CACNA2D3: variants seen among roughly 807,000 people sequenced by gnomAD.
CACNA2D3 encodes voltage-dependent calcium channel subunit alpha-2/delta-3.
In CACNA2D3, 60 loss-of-function variants were observed where a neutral mutation model predicts 160.6. The observed-to-expected ratio is 0.37, with a 90% CI of 0.30 to 0.46. The LOEUF is 0.46. Among genes scored for constraint, CACNA2D3 ranks in the 20% least tolerant of loss-of-function variants. The pLI is 1.00. For synonymous variants in CACNA2D3, 558 were observed against 492.9 expected (o/e 1.13, Z -1.75); for missense variants, 1,205 against 1,365.0 (o/e 0.88, Z 1.85).
chr3:54,819,469 G>A (rs1046274521), intron 14 of CACNA2D3, among the ~76,000 whole-genome samples: 7 of 152,090 alleles, frequency 4.6e-5, no homozygotes, highest in African/African-American at 1.2e-4. Context: ...CCAATGTTTT[G>A]TGATTCTGAC....
chr3:54,618,374 T>TATATATATATACACAC, intron 9 of CACNA2D3, among the ~76,000 whole-genome samples: 2 of 54,574 alleles, frequency 3.7e-5, no homozygotes, highest in African/African-American at 2.3e-4. Flanking sequence ...TATATATATA[T>TATATATATATACACAC]GCACACACAC....
intron 2 of CACNA2D3, among the ~76,000 whole-genome samples, chr3:54,292,420 A>C (rs892777196): frequency 6.6e-6 from 1 of 152,190 alleles, no homozygotes; most frequent in African/African-American, 2.4e-5. Context: ...AATATTTAGA[A>C]ATTATATCTG....
At chr3:54,829,455 G>A (rs141455342) in intron 14 of CACNA2D3, among the ~76,000 whole-genome samples, 39 of 152,242 alleles carry the variant, frequency 2.6e-4, no homozygotes, top group African/African-American at 7.9e-4. Flanking sequence ...GGAGGGAAGG[G>A]TGCAGAGACT....
At chr3:54,775,272 C>T (rs1042478357) in intron 13 of CACNA2D3, among the ~76,000 whole-genome samples, 6 of 152,250 alleles carry the variant, frequency 3.9e-5, no homozygotes, top group African/African-American at 7.2e-5. Context: ...AACCAATCCA[C>T]GCCTAAGATC....
intron 2 of CACNA2D3, among the ~76,000 whole-genome samples, chr3:54,159,236 G>A (rs1412225126): frequency 1.3e-5 from 2 of 151,994 alleles, no homozygotes; most frequent in African/African-American, 4.8e-5. Context: ...AAAATCCATA[G>A]TTTTATACCC....
intron 14 of CACNA2D3, among the ~76,000 whole-genome samples, chr3:54,822,790 C>CTTTTTCTTTCTTTCTTTT (rs1491160047): frequency 2.8e-5 from 2 of 71,912 alleles, no homozygotes; most frequent in African/African-American, 1.2e-4. Flanking sequence ...TTCTTTCTTT[C>CTTTTTCTTTCTTTCTTTT]CTTTCTTTCT....
At chr3:54,803,354 G>A (rs968241082) in intron 13 of CACNA2D3, among the ~76,000 whole-genome samples, 2 of 152,156 alleles carry the variant, frequency 1.3e-5, no homozygotes, top group African/African-American at 2.4e-5. Flanking sequence ...CCAATACAGA[G>A]AAGTGCTTAA....
In CACNA2D3 at chr3:54,637,473, C is replaced by A. The variant is rs1457595372; in HGVS notation, c.1054-4655C>A. Among the ~76,000 whole-genome samples, 6 of 151,814 alleles carry A rather than the reference C, an allele frequency of 4.0e-5. No homozygotes were observed. The East Asian group carries it at 9.7e-4, about 24-fold the overall frequency. ...AAAGTGTCTCAGCCTAATAAGGGAA[C>A]TGGGCAGGTGGGGATAACTAAAAAG... is the stretch of plus-strand genomic sequence containing the variant. On this transcript the variant is annotated intron_variant, in intron 10 of 37. Transcript: ENST00000474759.
At chr3:54,166,663 C>G (rs1425748829) in intron 2 of CACNA2D3, among the ~76,000 whole-genome samples, 1 of 152,194 alleles carries the variant, frequency 6.6e-6, no homozygotes, top group Non-Finnish European at 1.5e-5. Flanking sequence ...GTTAGTGATG[C>G]TATTGCCTGT....
chr3:54,463,284 G>A (rs1029963228), intron 4 of CACNA2D3, among the ~76,000 whole-genome samples: 4 of 152,092 alleles, frequency 2.6e-5, no homozygotes, highest in Admixed American at 1.3e-4. Context: ...GAGTATCTTT[G>A]TGGCATTCTC....
chr3:54,458,760 C>G (rs1401762017), intron 4 of CACNA2D3, among the ~76,000 whole-genome samples: 1 of 145,970 alleles, frequency 6.9e-6, no homozygotes, highest in Non-Finnish European at 1.5e-5. Context: ...AATACATTTT[C>G]TTTTTTTATT....
intron 4 of CACNA2D3, among the ~76,000 whole-genome samples, chr3:54,447,084 G>A (rs1000740324): frequency 7.2e-5 from 11 of 152,280 alleles, no homozygotes; most frequent in African/African-American, 9.6e-5. Flanking sequence ...TGGACCAGGC[G>A]TTATGAGCTC....
intron 35 of CACNA2D3, among the ~76,000 whole-genome samples, chr3:55,066,858 C>T (rs938939213): frequency 2.6e-5 from 4 of 152,070 alleles, no homozygotes; most frequent in Non-Finnish European, 5.9e-5. Flanking sequence ...TTTTTGGCCC[C>T]CAGGCAAACC....
intron 11 of CACNA2D3, among the ~76,000 whole-genome samples, chr3:54,730,225 A>G (rs2107011452): frequency 6.6e-6 from 1 of 152,282 alleles, no homozygotes; most frequent in Middle Eastern, 3.4e-3. Context: ...AATGAACAAG[A>G]CACAAAATGT....
intron 18 of CACNA2D3, 106 bp downstream of exon 18, chr3:54,871,728 C>T (rs902977296): frequency 7.7e-6 from 6 of 781,194 alleles, no homozygotes; most frequent in Admixed American, 2.4e-5. Flanking sequence ...TGAAGGGACA[C>T]CTGGCTACCA....
At chr3:54,343,321 TAG>T (rs1698396074) in intron 3 of CACNA2D3, among the ~76,000 whole-genome samples, 1 of 152,110 alleles carries the variant, frequency 6.6e-6, no homozygotes. Flanking sequence ...AGACAGGGTC[TAG>T]ATCTGTCATC....
At chr3:54,496,587 C>T (rs114828531) in intron 4 of CACNA2D3, among the ~76,000 whole-genome samples, 3 of 152,082 alleles carry the variant, frequency 2.0e-5, no homozygotes, top group Admixed American at 6.6e-5. Context: ...TTTCCTGAAC[C>T]GTGGCTTTCA....
chr3:54,555,277 A>G (rs1008187073), intron 5 of CACNA2D3, among the ~76,000 whole-genome samples: 6 of 152,194 alleles, frequency 3.9e-5, no homozygotes, highest in African/African-American at 9.7e-5. Flanking sequence ...CTTTACATCC[A>G]TTAATTTGCT....
intron 2 of CACNA2D3, among the ~76,000 whole-genome samples, chr3:54,152,271 G>T (rs754101556): frequency 6.6e-6 from 1 of 152,202 alleles, no homozygotes; most frequent in African/African-American, 2.4e-5. Flanking sequence ...ATTGTGCTGT[G>T]GTTGAGTGCG....
Sources: gnomAD v4.1 joint callset for allele counts (sites outside exome capture counted in the v4.1 genomes callset) on GRCh38, gnomAD v4.1.1 for gene constraint, MANE v1.5 for transcripts, NCBI Gene and HGNC (gene_info 2026-07-23, HGNC 2026-07-21) for gene names.